GPR161: variants seen among roughly 807,000 people sequenced by gnomAD.
GPR161 encodes the protein G protein-coupled receptor 161, also known as G-protein coupled receptor RE2.
A neutral mutation model predicts 39.2 loss-of-function variants in GPR161; 25 were observed. The ratio of observed to expected loss-of-function variants is 0.64; its 90% confidence interval spans 0.47 to 0.89. The LOEUF (loss-of-function observed/expected upper bound fraction) is 0.89, where lower values mean the gene tolerates loss of function less well. Among genes scored for constraint, GPR161 ranks in the 40% least tolerant of loss-of-function variants. GPR161 has a pLI of 0.00. For synonymous variants in GPR161, 286 were observed against 276.6 expected, an observed-to-expected ratio of 1.03 and a Z score of -0.34; for missense variants, 547 against 677.8, an observed-to-expected ratio of 0.81 and a Z score of 2.14.
chr1:168,135,931 A>G (rs1699319986), intron 1 of GPR161: 1 of 691,954 alleles, frequency 1.4e-6, no homozygotes, highest in Non-Finnish European at 1.9e-6. Context: ...CCAAGATGTG[A>G]TATAAAGCGA....
At position 168,084,874 on chromosome 1, in the gene GPR161, T is replaced by C. The variant is rs1429551758; in HGVS notation, c.*657A>G. 4.4e-6 allele frequency: 2 copies of C among 456,104 alleles called. No homozygotes were observed. The highest frequency in any genetic ancestry group is 6.9e-5 in the East Asian group (1 of 14,406). 28.3% of individuals were successfully genotyped at this position (456,104 alleles called of 1,614,324 possible). A position where few individuals can be genotyped will look rare whatever the true frequency, so the allele number is the denominator to read the frequency against. ...ACCAAAGAACTTGTCAGTAGGGAAG[T>C]AGGCAGGGTGGGCCAGTCTGCAAGA... is the stretch of plus-strand genomic sequence containing the variant. On this transcript the variant is annotated 3_prime_UTR_variant, in exon 6 of 6. Transcript: ENST00000682931.
chr1:168,113,640 A>C (rs1558123687), intron 1 of GPR161, among the ~76,000 whole-genome samples: 1 of 152,250 alleles, frequency 6.6e-6, no homozygotes, highest in Admixed American at 6.5e-5. Flanking sequence ...GCACCATGGA[A>C]TATTATGTAC....
rs761832355 is a variant in GPR161 at position 168,085,517 on chromosome 1, G to A, written c.*14C>T. 4 of 1,600,952 alleles carry A rather than the reference G, an allele frequency of 2.5e-6. No homozygotes were observed. The South Asian group carries it at 4.4e-5, about 18-fold the overall frequency. On this transcript the variant is annotated 3_prime_UTR_variant, in exon 6 of 6. Transcript: ENST00000682931. ...CAGCCTCTCAGGCTGCAGCCCCACG[G>A]CACCCTGAGGCCCTCATCTCTGCTC...
chr1:168,087,334 G>GGGGT (rs1553258170), intron 5 of GPR161, among the ~76,000 whole-genome samples: 5 of 148,772 alleles, frequency 3.4e-5, no homozygotes, highest in African/African-American at 1.2e-4. Flanking sequence ...AACACGTGTG[G>GGGGT]GTGTGTGTGT....
At position 168,082,863 on chromosome 1, in the gene GPR161, A is replaced by T. The variant is rs1694171853; in HGVS notation, c.*2668T>A. Reference sequence around the variant, plus strand: ...CAGAAATGCTCTCAGGAACTTCAAAATGTGTGAAAATTCTCTTTTCCTTCT... The same window carrying T: ...CAGAAATGCTCTCAGGAACTTCAAATTGTGTGAAAATTCTCTTTTCCTTCT... On this transcript the variant is annotated 3_prime_UTR_variant, in exon 6 of 6. Coordinates refer to ENST00000682931, the MANE Select transcript of GPR161 (RefSeq NM_001375883.1). The T allele has an allele frequency of 6.6e-6, 1 of 152,256 alleles. No individual in the cohort carries two copies. Among genetic ancestry groups the T allele is most frequent in the Non-Finnish European group, 1.5e-5 (1 of 68,096 alleles). The allele number at this position is 152,256 out of a possible 1,614,324, so 9.4% of individuals were successfully genotyped here.
chr1:168,128,409 A>G (rs1362432751), intron 1 of GPR161, among the ~76,000 whole-genome samples: 1 of 152,236 alleles, frequency 6.6e-6, no homozygotes, highest in Non-Finnish European at 1.5e-5. Context: ...GGATGTTGCT[A>G]AACATTTTAC....
intron 1 of GPR161, among the ~76,000 whole-genome samples, chr1:168,133,620 C>T (rs73030228): frequency 0.067 from 10,261 of 152,082 alleles, 430 homozygotes; most frequent in Middle Eastern, 0.099. Context: ...ATTATATGAC[C>T]CGATTTATGT....
intron 3 of GPR161, among the ~76,000 whole-genome samples, chr1:168,095,690 G>A (rs1359779084): frequency 6.6e-6 from 1 of 152,138 alleles, no homozygotes; most frequent in Non-Finnish European, 1.5e-5. Flanking sequence ...ACTGATCTGT[G>A]AGGAGGAGGA....
intron 3 of GPR161, among the ~76,000 whole-genome samples, chr1:168,093,218 C>T (rs1057237869): frequency 3.9e-5 from 6 of 152,092 alleles, no homozygotes; most frequent in Non-Finnish European, 8.8e-5. Flanking sequence ...CCAGGAAGTC[C>T]AGAGATCTAA....
intron 1 of GPR161, among the ~76,000 whole-genome samples, chr1:168,132,480 C>T (rs1311661391): frequency 3.6e-5 from 5 of 137,736 alleles, no homozygotes; most frequent in South Asian, 2.5e-4. Context: ...CCCAGCTACT[C>T]GGGAGGCTGA....
intron 1 of GPR161, among the ~76,000 whole-genome samples, chr1:168,106,078 C>T (rs10918826): frequency 0.38 from 57,552 of 151,622 alleles, 11,231 homozygotes; most frequent in Admixed American, 0.49. Flanking sequence ...AGAGAGAAAG[C>T]TTCCCTCATA....
rs1326856434 is a variant in GPR161, at chr1:168,136,812, T to C, written c.-118A>G. 4 of 983,430 alleles carry C rather than the reference T, an allele frequency of 4.1e-6. No individual in the cohort carries two copies. The highest frequency in any genetic ancestry group is 3.6e-6 in the Non-Finnish European group (3 of 829,676). 60.9% of individuals were successfully genotyped at this position (983,430 alleles called of 1,614,324 possible). A position where few individuals can be genotyped will look rare whatever the true frequency, so the allele number is the denominator to read the frequency against. On this transcript the variant is annotated 5_prime_UTR_variant, in exon 1 of 6. Coordinates refer to ENST00000682931, the MANE Select transcript of GPR161 (RefSeq NM_001375883.1). Reference sequence around the variant, plus strand: ...CGCCTCGGCCACCGCCGCCGCCGCTTCCTTCCTCCCCGCCGCGCTCCGGGA... The same window carrying C: ...CGCCTCGGCCACCGCCGCCGCCGCTCCCTTCCTCCCCGCCGCGCTCCGGGA...
At chr1:168,136,591 C>G in intron 1 of GPR161, 148 bp downstream of exon 1, 13 of 1,233,942 alleles carry the variant, frequency 1.1e-5, no homozygotes, top group Middle Eastern at 3.1e-4. Context: ...CCGAGAGGGG[C>G]GCGGGGAGAA....
chr1:168,119,225 TAC>T (rs1697904911), intron 1 of GPR161, among the ~76,000 whole-genome samples: 2 of 112,368 alleles, frequency 1.8e-5, no homozygotes, highest in Non-Finnish European at 3.5e-5. Context: ...CATATATATA[TAC>T]GTATATATAT....
chr1:168,111,520 A>T (rs1478555876), intron 1 of GPR161, among the ~76,000 whole-genome samples: 1 of 152,190 alleles, frequency 6.6e-6, no homozygotes, highest in Non-Finnish European at 1.5e-5. Context: ...CAAAGACAGA[A>T]AGGGAGCCTG....
Position 168,088,619 on chromosome 1 carries a change from G to T in GPR161, c.1205-915C>A, listed in dbSNP as rs1036730585. The T allele has an allele frequency of 3.9e-5, 6 of 152,332 alleles. No individual in the cohort carries two copies. The East Asian group carries it at 5.8e-4, about 15-fold the overall frequency. 9.4% of individuals were successfully genotyped at this position (152,332 alleles called of 1,614,324 possible). On this transcript the variant is annotated intron_variant, in intron 4 of 5. Transcript: ENST00000682931. ...ATCTTTCCACGTCTGTAAACCTGGG[G>T]TCATCATTCAGTCTACCTCACGGAG...
intron 3 of GPR161, 109 bp from the exon 4 acceptor site, chr1:168,090,777 A>C: frequency 7.3e-6 from 4 of 545,564 alleles, no homozygotes; most frequent in Non-Finnish European, 1.3e-5. Flanking sequence ...CCCTTGCAAA[A>C]CTCACTCTCA....
chr1:168,092,953 C>T lies in GPR161; in HGVS notation c.1100-2285G>A, dbSNP rs139542631. ...GCCCCCTGATACTGCCTGGGCCACC[C>T]TCCCTGGCTGGGGAGAGGGGTGGTG... On this transcript the variant is annotated intron_variant, in intron 3 of 5. Transcript: ENST00000682931. 1.6e-3 allele frequency among the ~76,000 whole-genome samples: 242 copies of T among 152,226 alleles called. 4 individuals carry two copies. In the East Asian group the frequency reaches 0.04, roughly 25 times the overall value.
Position 168,084,748 on chromosome 1 carries a change from A to G in GPR161, c.*783T>C, listed in dbSNP as rs972697547. 2 of 447,050 alleles carry G rather than the reference A, an allele frequency of 4.5e-6. No homozygotes were observed. The highest frequency in any genetic ancestry group is 4.1e-5 in the African/African-American group (2 of 49,136). 27.7% of individuals were successfully genotyped at this position (447,050 alleles called of 1,614,324 possible). ...ACAGTCCCATTCAGTCCGGTAAAAC[A>G]GTGGTACGTCTTAAATGGATTTTTT... On this transcript the variant is annotated 3_prime_UTR_variant, in exon 6 of 6. Coordinates refer to ENST00000682931, the MANE Select transcript of GPR161 (RefSeq NM_001375883.1).
Sources: gnomAD v4.1 joint callset for allele counts (sites outside exome capture counted in the v4.1 genomes callset) on GRCh38, gnomAD v4.1.1 for gene constraint, MANE v1.5 for transcripts, NCBI Gene and HGNC (gene_info 2026-07-23, HGNC 2026-07-21) for gene names.